Variants in ASB4 observed in about 807,000 individuals in gnomAD.
ASB4 encodes the protein ankyrin repeat and SOCS box protein 4.
In ASB4, 35 loss-of-function variants were observed where a neutral mutation model predicts 38.6. The ratio of observed to expected loss-of-function variants is 0.91; its 90% CI spans 0.69 to 1.20. The LOEUF (loss-of-function observed/expected upper bound fraction) is 1.20, where lower values mean the gene tolerates loss of function less well. Among genes scored for constraint, ASB4 ranks in the 50% most tolerant of loss-of-function variants. The probability of loss-of-function intolerance (pLI) is 0.00; values close to 1 mark genes in which losing one functional copy is unlikely to be tolerated. For synonymous variants in ASB4, 195 were observed against 201.3 expected (o/e 0.97, Z 0.26); for missense variants, 557 against 527.2 (o/e 1.06, Z -0.55).
In ASB4 at chr7:95,496,184, C is replaced by T. The variant is rs149672408; in HGVS notation, c.487+127C>T. ...ATGCAATTATGCCTAGTACAGAAGG[C>T]CCTAAAAAATACATAGTTCTGTTGA... On this transcript the variant is annotated intron_variant, in intron 2 of 4. Coordinates refer to ENST00000325885, the MANE Select transcript of ASB4 (RefSeq NM_016116.3). The T allele has an allele frequency of 1.2e-4, 100 of 805,578 alleles. 1 individual carries two copies. In the East Asian group the frequency reaches 2.4e-3, roughly 19 times the overall value. The allele number at this position is 805,578 out of a possible 1,614,324, so 49.9% of individuals were successfully genotyped here.
At chr7:95,521,077 C>T (rs1790655795) in intron 2 of ASB4, among the ~76,000 whole-genome samples, 1 of 152,102 alleles carries the variant, frequency 6.6e-6, no homozygotes, top group African/African-American at 2.4e-5. Context: ...GCCATCTTTA[C>T]AATAATGAGT....
At position 95,515,305 on chromosome 7, in the gene ASB4, CTTT is replaced by C. The variant is rs1562817291; in HGVS notation, c.488-12507_488-12505del. Among the ~76,000 whole-genome samples the C allele has an allele frequency of 9.3e-3, 1,134 of 122,574 alleles. 19 individuals are homozygous for C. The highest frequency in any genetic ancestry group is 0.018 in the Admixed American group (214 of 11,744). The allele number at this position is 122,574 out of a possible 152,430, so 80.4% of individuals were successfully genotyped here. ...TCTTTCTTTCTTTCTTTCTTTCTTT[CTTT>C]CTTTCTTTCTTCCTTCCTTCCTTCC... On this transcript the variant is annotated intron_variant, in intron 2 of 4. Coordinates refer to ENST00000325885, the MANE Select transcript of ASB4 (RefSeq NM_016116.3).
chr7:95,511,597 G>C (rs929919151), intron 2 of ASB4, among the ~76,000 whole-genome samples: 7 of 151,950 alleles, frequency 4.6e-5, no homozygotes, highest in African/African-American at 1.5e-4. Flanking sequence ...GGGAGGCCGA[G>C]GGTGCGGTGA....
chr7:95,506,977 G>A (rs1790418932), intron 2 of ASB4, among the ~76,000 whole-genome samples: 1 of 151,718 alleles, frequency 6.6e-6, no homozygotes, highest in Non-Finnish European at 1.5e-5. Flanking sequence ...CTACTTGCTG[G>A]GAGATCTTTT....
intron 2 of ASB4, among the ~76,000 whole-genome samples, chr7:95,521,366 G>T (rs1790659685): frequency 6.6e-6 from 1 of 152,088 alleles, no homozygotes; most frequent in African/African-American, 2.4e-5. Context: ...GTAATCAGGA[G>T]AATGCAAATT....
intron 2 of ASB4, among the ~76,000 whole-genome samples, chr7:95,507,925 C>T (rs1037925789): frequency 2.0e-5 from 3 of 151,772 alleles, no homozygotes; most frequent in African/African-American, 7.3e-5. Context: ...ATGAGTTGAG[C>T]GACGGATGCA....
upstream of ASB4, among the ~76,000 whole-genome samples, chr7:95,482,958 T>C (rs1790033988): frequency 6.6e-6 from 1 of 152,232 alleles, no homozygotes; most frequent in Non-Finnish European, 1.5e-5. Flanking sequence ...TGTAGACCCC[T>C]TGGGAACTCC....
chr7:95,496,063 C>T lies in ASB4; in HGVS notation c.487+6C>T, dbSNP rs755923726. On this transcript the variant is annotated splice_donor_region_variant and intron_variant, in intron 2 of 4. Transcript: ENST00000325885. Reference sequence around the variant, plus strand: ...CAAGCAATTGGTTTGGAGAGGTAAGCCTTTCTGGGTGGCCAACATTGTTGT... The same window carrying T: ...CAAGCAATTGGTTTGGAGAGGTAAGTCTTTCTGGGTGGCCAACATTGTTGT... The T allele has an allele frequency of 6.2e-7, 1 of 1,606,446 alleles. No individual in the cohort carries two copies. The highest frequency in any genetic ancestry group is 8.5e-7 in the Non-Finnish European group (1 of 1,174,664).
chr7:95,541,572 T>A (rs1196618695), downstream of ASB4, among the ~76,000 whole-genome samples: 2 of 152,236 alleles, frequency 1.3e-5, no homozygotes, highest in South Asian at 4.2e-4. Context: ...CTGGGCTTTT[T>A]TGAGATAGGG....
intron 1 of ASB4, among the ~76,000 whole-genome samples, chr7:95,491,716 C>A (rs1190305275): frequency 6.6e-6 from 1 of 152,154 alleles, no homozygotes; most frequent in Non-Finnish European, 1.5e-5. Flanking sequence ...ATAGGCACAG[C>A]CTCATCTGTA....
chr7:95,480,361 T>C (rs1790012393), intron 1 of ASB4, among the ~76,000 whole-genome samples: 1 of 152,136 alleles, frequency 6.6e-6, no homozygotes, highest in South Asian at 2.1e-4. Flanking sequence ...AAAGTACAGG[T>C]GGTAGCTAAG....
chr7:95,493,688 C>T (rs749816243), intron 1 of ASB4, among the ~76,000 whole-genome samples: 52 of 152,000 alleles, frequency 3.4e-4, no homozygotes, highest in Admixed American at 6.5e-5. Context: ...TCCTGATCCC[C>T]CAACCCCCCA....
intron 2 of ASB4, among the ~76,000 whole-genome samples, chr7:95,499,680 G>C (rs1324886437): frequency 2.0e-5 from 3 of 152,126 alleles, no homozygotes; most frequent in Admixed American, 2.0e-4. Context: ...GAGCATGATT[G>C]CTGGAGGGGG....
At chr7:95,543,586 G>C (rs1790997717), downstream of ASB4, 1 of 152,322 alleles carries the variant, frequency 6.6e-6, no homozygotes, top group South Asian at 2.1e-4. Context: ...GAAGAGGGGT[G>C]GGGTTTAGGT....
chr7:95,496,294 A>G (rs1429986109), intron 2 of ASB4: 1 of 435,022 alleles, frequency 2.3e-6, no homozygotes, highest in Admixed American at 3.6e-5. Flanking sequence ...CTTAACAAAT[A>G]TTTATTTAGC....
chr7:95,493,625 A>G (rs1447178723), intron 1 of ASB4, among the ~76,000 whole-genome samples: 2 of 152,180 alleles, frequency 1.3e-5, no homozygotes, highest in Non-Finnish European at 2.9e-5. Context: ...AGAAGTTGCC[A>G]AGGAGGTAAC....
chr7:95,512,728 A>G (rs1336391309), intron 2 of ASB4, among the ~76,000 whole-genome samples: 1 of 152,184 alleles, frequency 6.6e-6, no homozygotes, highest in Non-Finnish European at 1.5e-5. Context: ...GAAGAATGAA[A>G]TTAGGGCCTA....
At chr7:95,484,455 C>G (rs985434569), upstream of ASB4, among the ~76,000 whole-genome samples, 1 of 152,180 alleles carries the variant, frequency 6.6e-6, no homozygotes, top group African/African-American at 2.4e-5. Context: ...TTGAACTAGT[C>G]TATGGTTTAA....
chr7:95,532,634 G>A (rs1012584864), intron 3 of ASB4, among the ~76,000 whole-genome samples: 7 of 152,306 alleles, frequency 4.6e-5, no homozygotes, highest in Middle Eastern at 6.8e-3. Flanking sequence ...AAGAGTGGAA[G>A]TAGCTTGAGA....
Sources: gnomAD v4.1 joint callset for allele counts (sites outside exome capture counted in the v4.1 genomes callset) on GRCh38, gnomAD v4.1.1 for gene constraint, MANE v1.5 for transcripts, NCBI Gene and HGNC (gene_info 2026-07-23, HGNC 2026-07-21) for gene names.